The following NUP210 variants were observed in gnomAD, a reference collection of about 807,000 sequenced individuals.
NUP210 encodes the protein nuclear pore membrane glycoprotein 210.
Under a neutral mutation model 196.0 loss-of-function variants are expected in NUP210, and 151 were observed. The ratio of observed to expected loss-of-function variants is 0.77; its 90% CI spans 0.67 to 0.88. The LOEUF (loss-of-function observed/expected upper bound fraction) is 0.88. Among genes scored for constraint, NUP210 ranks in the 40% least tolerant of loss-of-function variants. The pLI, the probability that NUP210 is intolerant of heterozygous loss-of-function variation, is 0.00. For synonymous variants in NUP210, 1,070 were observed against 1,052.7 expected, an observed-to-expected ratio of 1.02 and a Z score of -0.32; for missense variants, 2,314 against 2,493.7, an observed-to-expected ratio of 0.93 and a Z score of 1.53.
At chr3:13,354,944 TCC>T (rs1698119202) in intron 16 of NUP210, among the ~76,000 whole-genome samples, 1 of 152,178 alleles carries the variant, frequency 6.6e-6, no homozygotes, top group Admixed American at 6.5e-5. Flanking sequence ...CTGTGGGCTA[TCC>T]CTCCCTTCTC....
intron 1 of NUP210, among the ~76,000 whole-genome samples, chr3:13,403,396 A>G (rs1375430077): frequency 6.6e-6 from 1 of 152,120 alleles, no homozygotes. Flanking sequence ...CCTTTTGTAT[A>G]AGGGCACTAA....
intron 30 of NUP210, 144 bp downstream of exon 30, chr3:13,330,316 G>A (rs1000160024): frequency 2.7e-6 from 2 of 742,326 alleles, no homozygotes; most frequent in Non-Finnish European, 4.5e-6. Context: ...TATCTACCTA[G>A]GACCTTTGCC....
chr3:13,416,386 C>T (rs925010404), intron 1 of NUP210, among the ~76,000 whole-genome samples: 16 of 152,144 alleles, frequency 1.1e-4, no homozygotes, highest in Admixed American at 2.6e-4. Flanking sequence ...AGAGTGTCTC[C>T]GCCAGAGGCC....
intron 20 of NUP210, among the ~76,000 whole-genome samples, chr3:13,345,460 C>T (rs898546909): frequency 2.0e-5 from 3 of 152,176 alleles, no homozygotes; most frequent in South Asian, 2.1e-4. Flanking sequence ...GCAGCCAGAA[C>T]GGAACTGCGG....
chr3:13,388,588 G>A, intron 4 of NUP210, 135 bp from the exon 5 acceptor site: 1 of 884,694 alleles, frequency 1.1e-6, no homozygotes, highest in Admixed American at 3.5e-5. Context: ...CCTAGTCAGG[G>A]CTGGGGCTGC....
intron 25 of NUP210, among the ~76,000 whole-genome samples, chr3:13,339,449 G>A (rs1048991619): frequency 9.2e-5 from 14 of 152,236 alleles, no homozygotes; most frequent in African/African-American, 3.4e-4. Context: ...CACTGCTGGC[G>A]AAGGAGGTCA....
At chr3:13,353,893 A>G (rs543273141) in intron 17 of NUP210, 22 bp downstream of exon 17, 3 of 1,593,064 alleles carry the variant, frequency 1.9e-6, no homozygotes, top group East Asian at 2.2e-5. Flanking sequence ...TGCCTGGGCC[A>G]TCAGGCTTGT....
intron 27 of NUP210, 97 bp from the exon 28 acceptor site, chr3:13,335,709 C>T (rs928720445): frequency 2.2e-5 from 30 of 1,370,286 alleles, no homozygotes; most frequent in South Asian, 2.7e-5. Context: ...CCCCAGCCCC[C>T]CAGTCCTGGT....
At chr3:13,354,153 A>T in intron 16 of NUP210, 46 bp from the exon 17 acceptor site, 1 of 1,493,588 alleles carries the variant, frequency 6.7e-7, no homozygotes, top group Non-Finnish European at 9.1e-7. Flanking sequence ...CCAGGACTGG[A>T]CCTGGACACT....
chr3:13,376,356 G>A lies in NUP210; in HGVS notation c.1228C>T (p.Arg410Cys), dbSNP rs766961777. 2.0e-5 allele frequency: 32 copies of A among 1,614,114 alleles called. No homozygotes were observed. Among genetic ancestry groups the A allele is most frequent in the East Asian group, 4.5e-5 (2 of 44,896 alleles). The change falls in exon 10 of 40, where the codon CGC (arginine) becomes TGC (cysteine). Residue 410 changes from arginine to cysteine, a missense_variant. By Grantham distance (180) the Arg-to-Cys change is radical. Transcript: ENST00000254508. ...TGTCCCCTCTTTAGTGCCCTGATGCGATGGTATGACCCATTCTGGGAGGAC... is the reference window on the plus strand; with the variant it reads ...TGTCCCCTCTTTAGTGCCCTGATGCAATGGTATGACCCATTCTGGGAGGAC... ...LSSSQNGSYH[R>C]IRALKRGQTA... is the part of the protein sequence containing the mutation.
chr3:13,359,061 G>C (rs761152716), intron 15 of NUP210, among the ~76,000 whole-genome samples: 1 of 152,222 alleles, frequency 6.6e-6, no homozygotes, highest in Non-Finnish European at 1.5e-5. Context: ...AGCACCCTCA[G>C]CCTCCTCAGA....
chr3:13,356,108 C>A (rs1025011255), intron 16 of NUP210, among the ~76,000 whole-genome samples: 2 of 152,164 alleles, frequency 1.3e-5, no homozygotes, highest in African/African-American at 4.8e-5. Flanking sequence ...CTAATCAGTC[C>A]CATGCAACTG....
chr3:13,369,179 T>C, intron 13 of NUP210, among the ~76,000 whole-genome samples: 1 of 152,236 alleles, frequency 6.6e-6, no homozygotes, highest in Non-Finnish European at 1.5e-5. Flanking sequence ...ACTCTGATGA[T>C]GAGTGATGTT....
At chr3:13,342,266 G>A in intron 21 of NUP210, 143 bp from the exon 22 acceptor site, 1 of 1,008,370 alleles carries the variant, frequency 9.9e-7, no homozygotes, top group Non-Finnish European at 1.4e-6. Flanking sequence ...GTTGACTTCT[G>A]GACTATCAGC....
Position 13,322,349 on chromosome 3 carries a change from G to C in NUP210, c.4769-10C>G, listed in dbSNP as rs1696574366. Reference sequence around the variant, plus strand: ...GTGGGGGTGCACTCGCCTAGAGAGGGGAGAGACGAGAGGGTGTGGGCCAGG... The same window carrying C: ...GTGGGGGTGCACTCGCCTAGAGAGGCGAGAGACGAGAGGGTGTGGGCCAGG... On this transcript the variant is annotated splice_polypyrimidine_tract_variant and intron_variant, in intron 34 of 39. Coordinates refer to ENST00000254508, the MANE Select transcript of NUP210 (RefSeq NM_024923.4). The C allele has an allele frequency of 6.2e-7, 1 of 1,614,134 alleles. No homozygotes were observed. The highest frequency in any genetic ancestry group is 1.3e-5 in the African/African-American group (1 of 75,060).
intron 39 of NUP210, among the ~76,000 whole-genome samples, chr3:13,318,620 G>C (rs1696370909): frequency 6.6e-6 from 1 of 152,224 alleles, no homozygotes; most frequent in African/African-American, 2.4e-5. Context: ...CCCTGGAGCT[G>C]TGCAGGGTCA....
At chr3:13,398,803 G>A (rs61197244) in intron 2 of NUP210, among the ~76,000 whole-genome samples, 1 of 151,896 alleles carries the variant, frequency 6.6e-6, no homozygotes, top group African/African-American at 2.4e-5. Context: ...ATGCACCTGT[G>A]GTGGTCCCAG....
chr3:13,370,322 C>T (rs1208281697), intron 13 of NUP210, among the ~76,000 whole-genome samples: 1 of 152,186 alleles, frequency 6.6e-6, no homozygotes, highest in African/African-American at 2.4e-5. Flanking sequence ...GAGAAACGCC[C>T]TGCATCGTGC....
Position 13,335,483 on chromosome 3 carries a change from T to C in NUP210, c.3814A>G (p.Arg1272Gly). 1.2e-6 allele frequency: 2 copies of C among 1,613,998 alleles called. No individual in the cohort carries two copies. The highest frequency in any genetic ancestry group is 1.7e-6 in the Non-Finnish European group (2 of 1,179,916). The change falls in exon 28 of 40, where the codon AGA becomes GGA. Residue 1272 changes from arginine (R) to glycine (G), a missense_variant. Transcript: ENST00000254508. ...PTSGQLYGLA[R>G]ELSDEIQVQV... is the part of the protein sequence containing the mutation. ...ACTTGGATCTCATCCGAGAGTTCTC[T>C]GGCCAGGCCATACAGCTGCCCCGAT... is the stretch of plus-strand genomic sequence containing the variant.
Sources: gnomAD v4.1 joint callset for allele counts (sites outside exome capture counted in the v4.1 genomes callset) on GRCh38, gnomAD v4.1.1 for gene constraint, MANE v1.5 for transcripts, NCBI Gene and HGNC (gene_info 2026-07-23, HGNC 2026-07-21) for gene names.